TTC7B: variants seen among roughly 807,000 people sequenced by gnomAD.
TTC7B encodes tetratricopeptide repeat protein 7B.
In TTC7B, 28 loss-of-function variants were observed where a neutral mutation model predicts 106.8. The observed-to-expected ratio is 0.26, with a 90% CI of 0.19 to 0.36. The LOEUF (loss-of-function observed/expected upper bound fraction) is 0.36. TTC7B is among the 10% of genes least tolerant of loss of function. The pLI, the probability that TTC7B is intolerant of heterozygous loss-of-function variation, is 1.00. For missense variants in TTC7B, 862 were observed against 1,076.4 expected, an observed-to-expected ratio of 0.80 and a Z score of 2.79; for synonymous variants, 405 against 430.6, an observed-to-expected ratio of 0.94 and a Z score of 0.74.
At chr14:90,564,197 A>G (rs923536626) in intron 19 of TTC7B, among the ~76,000 whole-genome samples, 1 of 152,128 alleles carries the variant, frequency 6.6e-6, no homozygotes, top group African/African-American at 2.4e-5. Context: ...CTGTGTTAGC[A>G]GGCATGAAGA....
rs1227809713 is a variant in TTC7B, at chr14:90,538,079, T to A, written c.*3289A>T. 1 of 152,234 alleles carries A rather than the reference T, an allele frequency of 6.6e-6. No individual in the cohort carries two copies. The highest frequency in any genetic ancestry group is 1.5e-5 in the Non-Finnish European group (1 of 68,066). The allele number at this position is 152,234 out of a possible 1,614,324, so 9.4% of individuals were successfully genotyped here. A position where few individuals can be genotyped will look rare whatever the true frequency, so the allele number is the denominator to read the frequency against. ...ACGCGGCATCTCCTGCATCTCACTG[T>A]CCAAAAAATGCCTCCACTGGGCAGA... On this transcript the variant is annotated 3_prime_UTR_variant, in exon 20 of 20. Coordinates refer to ENST00000328459, the MANE Select transcript of TTC7B (RefSeq NM_001010854.2).
intron 7 of TTC7B, among the ~76,000 whole-genome samples, chr14:90,684,605 A>G (rs767510469): frequency 2.6e-5 from 4 of 152,218 alleles, no homozygotes; most frequent in Non-Finnish European, 4.4e-5. Flanking sequence ...ATAAAGTTAG[A>G]CAAAAGAAGT....
intron 3 of TTC7B, among the ~76,000 whole-genome samples, chr14:90,777,250 T>A (rs1207189609): frequency 6.6e-6 from 1 of 151,504 alleles, no homozygotes; most frequent in Non-Finnish European, 1.5e-5. Context: ...TTTATTTTTA[T>A]TTTTTTTTAA....
At chr14:90,773,231 T>C (rs866932957) in intron 3 of TTC7B, among the ~76,000 whole-genome samples, 1 of 152,248 alleles carries the variant, frequency 6.6e-6, no homozygotes, top group African/African-American at 2.4e-5. Flanking sequence ...TTTAGTCTTC[T>C]CAGTACTCTT....
At chr14:90,794,586 C>T (rs1891710230) in intron 1 of TTC7B, among the ~76,000 whole-genome samples, 1 of 152,012 alleles carries the variant, frequency 6.6e-6, no homozygotes. Flanking sequence ...AAAGGGGGAA[C>T]CGTCAGGGGA....
rs139767937 is a variant in TTC7B at position 90,575,391 on chromosome 14, C to T, written c.2310+2715G>A. ...AACCCAGGCCAGCCTGGCTCCAGGG[C>T]CTCCTCCTGGGCCTCTAGGGTATAC... On this transcript the variant is annotated intron_variant, in intron 19 of 19. Coordinates refer to ENST00000328459, the MANE Select transcript of TTC7B (RefSeq NM_001010854.2). This position sits in a 1 kb window ranked among gnomAD's most constrained non-coding sequence, Gnocchi z 5.2. Among the ~76,000 whole-genome samples, 700 of 152,362 alleles carry T rather than the reference C, an allele frequency of 4.6e-3. 8 individuals carry two copies. Among genetic ancestry groups the T allele is most frequent in the African/African-American group, 0.016 (679 of 41,578 alleles).
rs528997726 is a variant in TTC7B, at chr14:90,525,729, G to A, written c.*15639C>T. 4.7e-5 allele frequency: 7 copies of A among 148,904 alleles called. No homozygotes were observed. The South Asian group carries it at 1.5e-3, about 32-fold the overall frequency. The allele number at this position is 148,904 out of a possible 1,614,324, so 9.2% of individuals were successfully genotyped here. Reference sequence around the variant, plus strand: ...CAGTTGACTAATATTTGGGTCGGTGGAGCCCGAATAATACAATAAGAATAA... The same window carrying A: ...CAGTTGACTAATATTTGGGTCGGTGAAGCCCGAATAATACAATAAGAATAA... On this transcript the variant is annotated 3_prime_UTR_variant, in exon 20 of 20. Transcript: ENST00000328459.
At chr14:90,778,261 C>G (rs1891097510) in intron 3 of TTC7B, among the ~76,000 whole-genome samples, 1 of 152,196 alleles carries the variant, frequency 6.6e-6, no homozygotes, top group Non-Finnish European at 1.5e-5. Flanking sequence ...AGCAGGTGTC[C>G]CAAGAGCCAA....
chr14:90,655,430 G>A (rs1885907741), intron 11 of TTC7B, among the ~76,000 whole-genome samples: 1 of 152,170 alleles, frequency 6.6e-6, no homozygotes, highest in Non-Finnish European at 1.5e-5. Context: ...AGTTGTGCTA[G>A]GTATGCAGAA....
intron 4 of TTC7B, among the ~76,000 whole-genome samples, chr14:90,732,209 G>A (rs1367085405): frequency 6.6e-6 from 1 of 152,126 alleles, no homozygotes; most frequent in Non-Finnish European, 1.5e-5. Context: ...GAACTAAAGT[G>A]TAACCAAAGT....
At chr14:90,713,993 G>A (rs550565542) in intron 5 of TTC7B, among the ~76,000 whole-genome samples, 3 of 152,264 alleles carry the variant, frequency 2.0e-5, no homozygotes, top group Admixed American at 2.0e-4. Context: ...TTTGGGAGGT[G>A]GAGGCAGGCA....
chr14:90,726,138 A>G (rs1364042762), intron 5 of TTC7B, among the ~76,000 whole-genome samples: 2 of 152,208 alleles, frequency 1.3e-5, no homozygotes, highest in African/African-American at 2.4e-5. Flanking sequence ...ATTGATTGAC[A>G]TGCCCAAATC....
intron 5 of TTC7B, among the ~76,000 whole-genome samples, chr14:90,713,230 C>T (rs1478850809): frequency 6.6e-6 from 1 of 152,130 alleles, no homozygotes; most frequent in Non-Finnish European, 1.5e-5. Flanking sequence ...ATTCTTGTGC[C>T]TCAGCCTCCC....
At chr14:90,589,837 A>G (rs1320643306) in intron 18 of TTC7B, among the ~76,000 whole-genome samples, 1 of 152,280 alleles carries the variant, frequency 6.6e-6, no homozygotes, top group African/African-American at 2.4e-5. Flanking sequence ...AATTGCCATA[A>G]TAAGCTAAAT....
intron 4 of TTC7B, among the ~76,000 whole-genome samples, chr14:90,740,609 C>A (rs1889723707): frequency 7.3e-6 from 1 of 137,882 alleles, no homozygotes; most frequent in East Asian, 2.2e-4. Flanking sequence ...TCATGCGATT[C>A]TCCTGCCTCA....
chr14:90,669,625 T>C (rs183345143), intron 9 of TTC7B, among the ~76,000 whole-genome samples: 1 of 151,160 alleles, frequency 6.6e-6, no homozygotes, highest in Non-Finnish European at 1.5e-5. Context: ...AAGACTTGAA[T>C]AGTAGTTTCA....
intron 2 of TTC7B, among the ~76,000 whole-genome samples, chr14:90,784,387 C>T (rs144700254): frequency 0.021 from 3,231 of 152,204 alleles, 64 homozygotes; most frequent in Non-Finnish European, 0.027. Context: ...GAAACCCTGT[C>T]TCTACTAAAA....
At chr14:90,664,787 C>A (rs1172901563) in intron 9 of TTC7B, among the ~76,000 whole-genome samples, 1 of 152,162 alleles carries the variant, frequency 6.6e-6, no homozygotes, top group Non-Finnish European at 1.5e-5. Context: ...GCTCCTCACT[C>A]CCAGCCATGG....
chr14:90,680,387 AG>A (rs1887004141), intron 8 of TTC7B, 84 bp downstream of exon 8: 2 of 1,003,224 alleles, frequency 2.0e-6, no homozygotes, highest in African/African-American at 3.2e-5. Flanking sequence ...TAAGAAAAAG[AG>A]TCATGATACT....
Sources: allele counts gnomAD v4.1 joint callset (sites outside exome capture counted in the v4.1 genomes callset), GRCh38; gene constraint gnomAD v4.1.1; non-coding constraint Gnocchi (gnomAD v3.1); transcripts MANE v1.5; gene names NCBI Gene and HGNC (gene_info 2026-07-23, HGNC 2026-07-21).